Variants in AGBL3 observed in about 807,000 individuals in gnomAD.
AGBL3 encodes AGBL carboxypeptidase 3.
Under a neutral mutation model 94.5 loss-of-function variants are expected in AGBL3, and 68 were observed. That is an observed-to-expected ratio of 0.72 (90% confidence interval 0.59 to 0.88). The LOEUF is 0.88. Ranked by LOEUF, AGBL3 falls within the 40% of genes least tolerant of loss-of-function variation. AGBL3 has a pLI of 0.00. For missense variants in AGBL3, 934 were observed against 1,103.8 expected, an observed-to-expected ratio of 0.85 and a Z score of 2.18; for synonymous variants, 354 against 370.7, an observed-to-expected ratio of 0.95 and a Z score of 0.52.
At chr7:135,016,210 A>C (rs1045168728) in intron 4 of AGBL3, among the ~76,000 whole-genome samples, 4 of 152,148 alleles carry the variant, frequency 2.6e-5, no homozygotes, top group African/African-American at 9.7e-5. Context: ...TTTTAATTAT[A>C]ATTTGCTTAT....
chr7:135,018,900 GT>G (rs1164529696), intron 5 of AGBL3, among the ~76,000 whole-genome samples: 1 of 152,162 alleles, frequency 6.6e-6, no homozygotes, highest in Non-Finnish European at 1.5e-5. Flanking sequence ...AATTTGGTGA[GT>G]TTTGAAAAAT....
At position 135,033,257 on chromosome 7, in the gene AGBL3, G is replaced by A. The variant is rs1044997039; in HGVS notation, c.557+275G>A. ...ACACACACAGTGCTTCTCAAACTTT[G>A]TATTGAAATAGTTCTTGGGATGAGT... On this transcript the variant is annotated intron_variant, in intron 6 of 16. Transcript: ENST00000436302. Among the ~76,000 whole-genome samples, 8 of 152,276 alleles carry A rather than the reference G, an allele frequency of 5.3e-5. No homozygotes were observed. The East Asian group carries it at 1.3e-3, about 26-fold the overall frequency.
At chr7:135,067,582 A>G (rs983681525) in intron 12 of AGBL3, among the ~76,000 whole-genome samples, 7 of 152,204 alleles carry the variant, frequency 4.6e-5, no homozygotes, top group African/African-American at 1.7e-4. Flanking sequence ...GCTGTTCACC[A>G]ATATCCGCTG....
At chr7:135,078,757 C>T (rs1386391968) in intron 13 of AGBL3, among the ~76,000 whole-genome samples, 2 of 152,060 alleles carry the variant, frequency 1.3e-5, no homozygotes, top group Non-Finnish European at 2.9e-5. Context: ...GAGAAAGTTG[C>T]ATACATTCTA....
At chr7:135,037,365 A>C in intron 7 of AGBL3, 53 bp from the exon 8 acceptor site, 1 of 1,444,748 alleles carries the variant, frequency 6.9e-7, no homozygotes, top group East Asian at 2.5e-5. Context: ...AGTTGTACCT[A>C]TAGAAGAAAA....
chr7:135,093,010 T>C (rs1212572504), intron 15 of AGBL3: 1 of 149,670 alleles, frequency 6.7e-6, no homozygotes, highest in Non-Finnish European at 1.5e-5. Context: ...ACTCAACAAA[T>C]TAGGAAAGAT....
Position 135,027,150 on chromosome 7 carries a change from G to C in AGBL3, c.419-5694G>C, listed in dbSNP as rs575248678. Among the ~76,000 whole-genome samples the C allele has an allele frequency of 1.5e-4, 22 of 151,634 alleles. No homozygotes were observed. The South Asian group carries it at 4.7e-3, about 33-fold the overall frequency. On this transcript the variant is annotated intron_variant, in intron 5 of 16. Coordinates refer to ENST00000436302, the MANE Select transcript of AGBL3 (RefSeq NM_178563.4). ...TGTAACCTCTACCTCCCAGGTTCAAGTGATTCTCCCACCTCAGCCTCCTGA... is the reference window on the plus strand; with the variant it reads ...TGTAACCTCTACCTCCCAGGTTCAACTGATTCTCCCACCTCAGCCTCCTGA...
chr7:134,994,611 A>T (rs1810747322), intron 4 of AGBL3, among the ~76,000 whole-genome samples: 1 of 152,198 alleles, frequency 6.6e-6, no homozygotes, highest in Admixed American at 6.5e-5. Context: ...AATAAAAAAA[A>T]ATTACACATA....
chr7:135,037,657 T>A, intron 8 of AGBL3, 77 bp downstream of exon 8: 1 of 1,241,470 alleles, frequency 8.1e-7, no homozygotes, highest in Non-Finnish European at 1.1e-6. Context: ...CCCACGTGGA[T>A]AATACTATTC....
rs79789246 is a variant in AGBL3 at position 135,009,896 on chromosome 7, G to C, written c.311-7156G>C. ...TACTGAGGTCCAATTTCACCTTGCAGGTTTCTGTCTTTTCGCAGACTTTGG... is the reference window on the plus strand; with the variant it reads ...TACTGAGGTCCAATTTCACCTTGCACGTTTCTGTCTTTTCGCAGACTTTGG... On this transcript the variant is annotated intron_variant, in intron 4 of 16. Coordinates refer to ENST00000436302, the MANE Select transcript of AGBL3 (RefSeq NM_178563.4). The C allele has an allele frequency of 5.5e-3, 1,880 of 343,028 alleles. 32 individuals are homozygous for C. The highest frequency in any genetic ancestry group is 0.04 in the African/African-American group (1,760 of 43,906). 21.2% of individuals were successfully genotyped at this position (343,028 alleles called of 1,614,324 possible).
chr7:135,088,967 C>G (rs907255816), intron 15 of AGBL3, among the ~76,000 whole-genome samples: 1 of 151,736 alleles, frequency 6.6e-6, no homozygotes, highest in East Asian at 1.9e-4. Context: ...GTTTTCTATA[C>G]CTTTCCCTTC....
intron 12 of AGBL3, among the ~76,000 whole-genome samples, chr7:135,062,122 ATTTAT>A (rs201403399): frequency 6.6e-6 from 1 of 152,008 alleles, no homozygotes; most frequent in East Asian, 1.9e-4. Flanking sequence ...CCTTGGTTAA[ATTTAT>A]TCCTACATAT....
In AGBL3 at chr7:134,998,524, T is replaced by C. The variant is rs150732627; in HGVS notation, c.310+4846T>C. 2.3e-3 allele frequency among the ~76,000 whole-genome samples: 357 copies of C among 152,302 alleles called. 1 individual carries two copies. The highest frequency in any genetic ancestry group is 7.9e-3 in the African/African-American group (328 of 41,556). Reference sequence around the variant, plus strand: ...CCAAACGTTTTCACCTTTGGAAGAGTTGTTAGGCTTAGCCACTGTCCTGGT... The same window carrying C: ...CCAAACGTTTTCACCTTTGGAAGAGCTGTTAGGCTTAGCCACTGTCCTGGT... On this transcript the variant is annotated intron_variant, in intron 4 of 16. Transcript: ENST00000436302.
At chr7:134,998,465 T>G (rs534337569) in intron 4 of AGBL3, among the ~76,000 whole-genome samples, 1 of 152,344 alleles carries the variant, frequency 6.6e-6, no homozygotes, top group East Asian at 1.9e-4. Flanking sequence ...GCCTTGGCTA[T>G]TTCTCCTATT....
chr7:135,135,351 C>T lies in AGBL3; in HGVS notation c.*90C>T. On this transcript the variant is annotated 3_prime_UTR_variant, in exon 17 of 17. Transcript: ENST00000436302. ...AAAAAAGGAAAGCCCTCCCCTTCCCCTTTCCCTATCTCTCCCCTTACACAT... is the reference window on the plus strand; with the variant it reads ...AAAAAAGGAAAGCCCTCCCCTTCCCTTTTCCCTATCTCTCCCCTTACACAT... The T allele has an allele frequency of 8.4e-7, 1 of 1,186,146 alleles. No individual in the cohort carries two copies. The highest frequency in any genetic ancestry group is 1.1e-6 in the Non-Finnish European group (1 of 889,532). 73.5% of individuals were successfully genotyped at this position (1,186,146 alleles called of 1,614,324 possible).
intron 15 of AGBL3, among the ~76,000 whole-genome samples, chr7:135,103,037 C>T (rs910746175): frequency 6.6e-6 from 1 of 152,100 alleles, no homozygotes; most frequent in Non-Finnish European, 1.5e-5. Flanking sequence ...TTGTTTTATA[C>T]CTATGTCATT....
intron 11 of AGBL3, among the ~76,000 whole-genome samples, chr7:135,049,492 A>G (rs1817681308): frequency 6.6e-6 from 1 of 151,990 alleles, no homozygotes; most frequent in African/African-American, 2.4e-5. Context: ...AAGGATTGGC[A>G]TTAATTATTC....
At chr7:135,106,482 T>C (rs1371697883) in intron 15 of AGBL3, among the ~76,000 whole-genome samples, 1 of 152,224 alleles carries the variant, frequency 6.6e-6, no homozygotes, top group East Asian at 1.9e-4. Context: ...CACGTGGTTT[T>C]GTCTTTAGTT....
intron 8 of AGBL3, among the ~76,000 whole-genome samples, chr7:135,039,662 G>A (rs1207708393): frequency 6.6e-6 from 1 of 152,064 alleles, no homozygotes; most frequent in African/African-American, 2.4e-5. Context: ...TTGAGCCCAG[G>A]AAGCAGAGGT....
Sources: allele counts gnomAD v4.1 joint callset (sites outside exome capture counted in the v4.1 genomes callset), GRCh38; gene constraint gnomAD v4.1.1; transcripts MANE v1.5; gene names NCBI Gene and HGNC (gene_info 2026-07-23, HGNC 2026-07-21).